The following NARS2 variants were observed in gnomAD, a reference collection of about 807,000 sequenced individuals.
NARS2 encodes the protein asparaginyl-tRNA synthetase.
A neutral mutation model predicts 62.9 loss-of-function variants in NARS2; 60 were observed. The ratio of observed to expected loss-of-function variants is 0.95; its 90% CI spans 0.77 to 1.18. The LOEUF (loss-of-function observed/expected upper bound fraction) is 1.18. Ranked by LOEUF, NARS2 falls within the 50% of genes most tolerant of loss-of-function variation. NARS2 has a pLI of 0.00. For missense variants in NARS2, 619 were observed against 576.4 expected (o/e 1.07, Z -0.76); for synonymous variants, 196 against 200.0 (o/e 0.98, Z 0.17).
At chr11:78,510,279 T>C (rs540838641) in intron 6 of NARS2, among the ~76,000 whole-genome samples, 5 of 152,150 alleles carry the variant, frequency 3.3e-5, no homozygotes, top group Non-Finnish European at 7.4e-5. Flanking sequence ...AGTGAAAGGA[T>C]GGAAAAAAAA....
intron 11 of NARS2, among the ~76,000 whole-genome samples, chr11:78,455,176 T>C (rs1313367573): frequency 6.6e-6 from 1 of 152,220 alleles, no homozygotes; most frequent in Non-Finnish European, 1.5e-5. Context: ...CTCTGTTTTT[T>C]ACTGGATAAA....
chr11:78,478,492 A>G lies in NARS2; in HGVS notation c.922-17T>C. On this transcript the variant is annotated splice_polypyrimidine_tract_variant and intron_variant, in intron 8 of 13. Transcript: ENST00000281038. The stretch of plus-strand genomic sequence containing the variant: ...TAATCTGTCCTTAATAAAAAGACAA[A>G]AAAGAAAATTTTAAAAATATAATTT... 8.2e-7 allele frequency: 1 copy of G among 1,212,576 alleles called. No homozygotes were observed. Among genetic ancestry groups the G allele is most frequent in the Admixed American group, 2.8e-5 (1 of 36,046 alleles). The allele number at this position is 1,212,576 out of a possible 1,614,324, so 75.1% of individuals were successfully genotyped here.
intron 7 of NARS2, among the ~76,000 whole-genome samples, chr11:78,491,946 T>C (rs1591199976): frequency 6.6e-6 from 1 of 152,082 alleles, no homozygotes; most frequent in Non-Finnish European, 1.5e-5. Flanking sequence ...GGAGAGTTGA[T>C]GAAAATCACT....
intron 9 of NARS2, among the ~76,000 whole-genome samples, chr11:78,477,934 A>G (rs1859172687): frequency 6.6e-6 from 1 of 152,086 alleles, no homozygotes; most frequent in Non-Finnish European, 1.5e-5. Flanking sequence ...ATCTCCACAC[A>G]CACACCCCGC....
intron 11 of NARS2, among the ~76,000 whole-genome samples, chr11:78,453,636 C>A (rs769897565): frequency 6.6e-6 from 1 of 152,170 alleles, no homozygotes; most frequent in African/African-American, 2.4e-5. Context: ...CAGTTTCTCA[C>A]AGGCTGTTAC....
In NARS2 at chr11:78,545,647, C is replaced by G. The variant is rs1855842313; in HGVS notation, c.594+13892G>C. ...TTAAGCAATTCTTGTGCCTCAGCCT[C>G]CCAAATAGCTGGGATTGCAGTTGTG... On this transcript the variant is annotated intron_variant, in intron 5 of 13. Coordinates refer to ENST00000281038, the MANE Select transcript of NARS2 (RefSeq NM_024678.6). 9.9e-5 allele frequency among the ~76,000 whole-genome samples: 15 copies of G among 151,914 alleles called. No individual in the cohort carries two copies. In the South Asian group the frequency reaches 3.1e-3, roughly 32 times the overall value.
chr11:78,478,499 A>G, intron 8 of NARS2, 24 bp from the exon 9 acceptor site: 1 of 1,221,580 alleles, frequency 8.2e-7, no homozygotes, highest in Non-Finnish European at 1.1e-6. Flanking sequence ...CAAAAAAGAA[A>G]ATTTTAAAAA....
chr11:78,545,351 C>A (rs1240649132), intron 5 of NARS2, among the ~76,000 whole-genome samples: 2 of 152,014 alleles, frequency 1.3e-5, no homozygotes, highest in African/African-American at 4.8e-5. Context: ...CCTCAGTTCC[C>A]ACTAATCTTC....
At chr11:78,488,943 AG>A (rs1313784714) in intron 7 of NARS2, among the ~76,000 whole-genome samples, 1 of 152,188 alleles carries the variant, frequency 6.6e-6, no homozygotes, top group Admixed American at 6.5e-5. Context: ...AAGGAAAGGA[AG>A]GGACAAGAAC....
In NARS2 at chr11:78,509,302, T is replaced by C. The variant is rs567563046; in HGVS notation, c.690-16107A>G. On this transcript the variant is annotated intron_variant, in intron 6 of 13. Transcript: ENST00000281038. ...CTTAAACAAAACCTAAAAGAGTTTG[T>C]TACTGGACATGCCCTGCAAGAAATG... Among the ~76,000 whole-genome samples, 17 of 152,246 alleles carry C rather than the reference T, an allele frequency of 1.1e-4. No individual in the cohort carries two copies. In the South Asian group the frequency reaches 2.5e-3, roughly 22 times the overall value.
chr11:78,507,204 T>C (rs990250331), intron 6 of NARS2, among the ~76,000 whole-genome samples: 1 of 132,536 alleles, frequency 7.5e-6, no homozygotes, highest in African/African-American at 2.8e-5. Context: ...AGCGGACTTC[T>C]CCACTTCATT....
At chr11:78,498,818 G>A (rs1220089448) in intron 6 of NARS2, among the ~76,000 whole-genome samples, 1 of 146,986 alleles carries the variant, frequency 6.8e-6, no homozygotes, top group African/African-American at 2.5e-5. Flanking sequence ...CCATTATATT[G>A]AAAATTTCAT....
intron 11 of NARS2, among the ~76,000 whole-genome samples, chr11:78,446,930 T>C (rs1315701119): frequency 6.6e-6 from 1 of 151,828 alleles, no homozygotes; most frequent in African/African-American, 2.4e-5. Flanking sequence ...GAGAAAATAT[T>C]TGCAAACCAT....
At chr11:78,445,918 C>A (rs775679091) in intron 11 of NARS2, among the ~76,000 whole-genome samples, 13 of 152,110 alleles carry the variant, frequency 8.5e-5, no homozygotes, top group Non-Finnish European at 1.5e-4. Context: ...CATGATTATA[C>A]CACCTGTACT....
At chr11:78,524,960 A>G (rs982950867) in intron 6 of NARS2, among the ~76,000 whole-genome samples, 6 of 152,264 alleles carry the variant, frequency 3.9e-5, no homozygotes, top group African/African-American at 1.4e-4. Context: ...ATTATTTAGC[A>G]CTACAACAAA....
intron 11 of NARS2, among the ~76,000 whole-genome samples, chr11:78,445,757 C>A (rs1857737810): frequency 6.6e-6 from 1 of 152,108 alleles, no homozygotes; most frequent in South Asian, 2.1e-4. Context: ...TGAGACCAGC[C>A]TGGGCAACAC....
intron 4 of NARS2, among the ~76,000 whole-genome samples, chr11:78,561,420 GCTC>G (rs1856552483): frequency 6.6e-6 from 1 of 152,160 alleles, no homozygotes; most frequent in Non-Finnish European, 1.5e-5. Flanking sequence ...CAGCAAAGGG[GCTC>G]CTAAGTAGAA....
chr11:78,535,434 T>C (rs1467454647), intron 5 of NARS2, among the ~76,000 whole-genome samples: 1 of 152,194 alleles, frequency 6.6e-6, no homozygotes, highest in East Asian at 1.9e-4. Context: ...AAAATCAGAA[T>C]TCTTATTCAT....
chr11:78,536,143 T>C (rs1855329583), intron 5 of NARS2, among the ~76,000 whole-genome samples: 1 of 152,208 alleles, frequency 6.6e-6, no homozygotes, highest in South Asian at 2.1e-4. Context: ...CCTAGTGATG[T>C]CACAGAGCAT....
Sources: gnomAD v4.1 joint callset for allele counts (sites outside exome capture counted in the v4.1 genomes callset) on GRCh38, gnomAD v4.1.1 for gene constraint, MANE v1.5 for transcripts, NCBI Gene and HGNC (gene_info 2026-07-23, HGNC 2026-07-21) for gene names.